Variants in CPB1 observed in about 807,000 individuals in gnomAD.
CPB1 encodes the protein carboxypeptidase B1.
Under a neutral mutation model 51.4 loss-of-function variants are expected in CPB1, and 53 were observed. The observed-to-expected ratio is 1.03, with a 90% CI of 0.83 to 1.30. The LOEUF (loss-of-function observed/expected upper bound fraction) is 1.30. Among genes scored for constraint, CPB1 ranks in the 50% most tolerant of loss-of-function variants. The pLI is 0.00. For missense variants in CPB1, 494 were observed against 516.2 expected, an observed-to-expected ratio of 0.96 and a Z score of 0.42; for synonymous variants, 189 against 186.9, an observed-to-expected ratio of 1.01 and a Z score of -0.09.
chr3:148,846,242 T>C (rs1179999388), intron 9 of CPB1, among the ~76,000 whole-genome samples: 1 of 152,152 alleles, frequency 6.6e-6, no homozygotes, highest in Non-Finnish European at 1.5e-5. Context: ...GCAATCTTAT[T>C]GAACAATCAA....
chr3:148,845,656 T>G, intron 9 of CPB1, 30 bp downstream of exon 9: 3 of 1,528,612 alleles, frequency 2.0e-6, no homozygotes, highest in Non-Finnish European at 2.7e-6. Context: ...GTATGACATT[T>G]TACTATTGAG....
intron 9 of CPB1, among the ~76,000 whole-genome samples, chr3:148,850,503 C>T (rs548589553): frequency 5.3e-5 from 8 of 152,058 alleles, no homozygotes; most frequent in Non-Finnish European, 7.4e-5. Flanking sequence ...GGGGTTTCAC[C>T]GTGTTAGCCA....
chr3:148,841,116 A>G, intron 5 of CPB1, 141 bp downstream of exon 5: 1 of 605,780 alleles, frequency 1.7e-6, no homozygotes, highest in East Asian at 2.8e-5. Flanking sequence ...AGGGAACCAG[A>G]TTCCCCAGCT....
chr3:148,847,539 C>G (rs946676726), intron 9 of CPB1, among the ~76,000 whole-genome samples: 5 of 152,130 alleles, frequency 3.3e-5, no homozygotes, highest in East Asian at 1.9e-4. Flanking sequence ...TAAAAATGTT[C>G]CAACAGAACA....
Position 148,834,568 on chromosome 3 carries a change from C to G in CPB1, c.218C>G (p.Ala73Gly), listed in dbSNP as rs755021718. The part of the protein sequence containing the change: ...PHSTVDFRVK[A>G]EDTVTVENVL... ...AGTACAGTTGACTTCCGTGTTAAAG[C>G]AGAAGATACTGTCACTGTGGAGAAT... The change falls in exon 3 of 11, where the codon GCA becomes GGA. Residue 73 changes from alanine to glycine, a missense_variant. Coordinates refer to ENST00000282957, the MANE Select transcript of CPB1 (RefSeq NM_001871.3). 54 of 1,613,298 alleles carry G rather than the reference C, an allele frequency of 3.3e-5. No individual in the cohort carries two copies. The highest frequency in any genetic ancestry group is 1.7e-4 in the Middle Eastern group (1 of 6,060).
rs748482610 is a variant in CPB1, at chr3:148,834,496, A to T, written c.148-2A>T. The T allele has an allele frequency of 6.2e-7, 1 of 1,613,136 alleles. No individual in the cohort carries two copies. Among genetic ancestry groups the T allele is most frequent in the South Asian group, 1.1e-5 (1 of 91,026 alleles). ...ATCCAATATATCTTGTCCTTTATTC[A>T]GATTGACTTCTGGAAGCCAGATTCT... On this transcript the variant is annotated splice_acceptor_variant, in intron 2 of 10. Coordinates refer to ENST00000282957, the MANE Select transcript of CPB1 (RefSeq NM_001871.3). LOFTEE classifies it high-confidence loss of function.
At chr3:148,839,185 C>A (rs752366305) in intron 3 of CPB1, among the ~76,000 whole-genome samples, 5 of 152,086 alleles carry the variant, frequency 3.3e-5, no homozygotes, top group Non-Finnish European at 5.9e-5. Flanking sequence ...AGGACTTTAT[C>A]CCCTGTTGAA....
chr3:148,854,505 G>A (rs369286572), intron 9 of CPB1: 22 of 151,942 alleles, frequency 1.4e-4, no homozygotes, highest in African/African-American at 5.3e-4. Context: ...ATGCACAGAA[G>A]ATGTCAATGT....
At chr3:148,830,506 A>G (rs796155339) in intron 2 of CPB1, among the ~76,000 whole-genome samples, 18 of 152,304 alleles carry the variant, frequency 1.2e-4, no homozygotes, top group African/African-American at 3.8e-4. Flanking sequence ...AAATGAATTA[A>G]TATAGGTAAA....
intron 9 of CPB1, among the ~76,000 whole-genome samples, chr3:148,853,905 TA>T (rs150419530): frequency 0.12 from 18,451 of 152,254 alleles, 2,515 homozygotes; most frequent in African/African-American, 0.34. Context: ...GAGCTCTTTG[TA>T]AAGCTTAAGT....
chr3:148,855,395 G>C (rs1455639664), intron 9 of CPB1: 1 of 152,190 alleles, frequency 6.6e-6, no homozygotes, highest in Non-Finnish European at 1.5e-5. Context: ...TGACGGTGTA[G>C]AGAGAACTTG....
intron 9 of CPB1, among the ~76,000 whole-genome samples, chr3:148,850,364 C>T (rs1713388740): frequency 2.0e-5 from 3 of 152,216 alleles, no homozygotes; most frequent in Admixed American, 6.5e-5. Flanking sequence ...TGCAGTGGTG[C>T]AATCTCGGCT....
At chr3:148,857,583 A>G (rs757812345) in intron 10 of CPB1, 42 bp downstream of exon 10, 6 of 1,513,532 alleles carry the variant, frequency 4.0e-6, no homozygotes, top group Non-Finnish European at 5.5e-6. Context: ...CCATGTGCCT[A>G]AAAAGCCAAC....
At chr3:148,842,653 G>A (rs1260898915) in intron 6 of CPB1, among the ~76,000 whole-genome samples, 3 of 152,190 alleles carry the variant, frequency 2.0e-5, no homozygotes, top group African/African-American at 7.2e-5. Flanking sequence ...CAATAATCAT[G>A]TCAGGCAAAT....
At position 148,838,005 on chromosome 3, in the gene CPB1, T is replaced by G. The variant is rs182994974; in HGVS notation, c.273-2681T>G. Among the ~76,000 whole-genome samples, 370 of 152,176 alleles carry G rather than the reference T, an allele frequency of 2.4e-3. 2 individuals are homozygous for G. Among genetic ancestry groups the G allele is most frequent in the South Asian group, 0.012 (58 of 4,830 alleles). ...GGCTCACACCTATAATCCCAGCACC[T>G]TGGGAGGCCTAGGCAGGTGGATCAC... On this transcript the variant is annotated intron_variant, in intron 3 of 10. Coordinates refer to ENST00000282957, the MANE Select transcript of CPB1 (RefSeq NM_001871.3).
At position 148,860,108 on chromosome 3, in the gene CPB1, T is replaced by C; in HGVS notation, c.*106T>C. The stretch of plus-strand genomic sequence containing the variant: ...GATGTTTTGCAGATCCCAATCTTTC[T>C]TTTAAGCTTCTGGGTCTATTAAACT... On this transcript the variant is annotated 3_prime_UTR_variant, in exon 11 of 11. Transcript: ENST00000282957. 9.2e-7 allele frequency: 1 copy of C among 1,090,390 alleles called. No individual in the cohort carries two copies. The highest frequency in any genetic ancestry group is 1.3e-6 in the Non-Finnish European group (1 of 751,462). The allele number at this position is 1,090,390 out of a possible 1,614,324, so 67.5% of individuals were successfully genotyped here. A position where few individuals can be genotyped will look rare whatever the true frequency, so the allele number is the denominator to read the frequency against.
At chr3:148,857,070 T>TTTTTTTG (rs773401777) in intron 9 of CPB1, 8,328 of 45,284 alleles carry the variant, frequency 0.18, 368 homozygotes, top group Middle Eastern at 0.35. Context: ...GTGTTTTTTT[T>TTTTTTTG]TTTTTTTTTT....
In CPB1 at chr3:148,853,479, G is replaced by A. The variant is rs984418064; in HGVS notation, c.982-3978G>A. Among the ~76,000 whole-genome samples, 5 of 152,314 alleles carry A rather than the reference G, an allele frequency of 3.3e-5. No homozygotes were observed. In the East Asian group the frequency reaches 5.8e-4, roughly 18 times the overall value. On this transcript the variant is annotated intron_variant, in intron 9 of 10. Coordinates refer to ENST00000282957, the MANE Select transcript of CPB1 (RefSeq NM_001871.3). ...GCTTTTACTTTGTCTCTTGGGCTAC[G>A]AGCTAGATGTGACATTTTAGACTCT... is the stretch of plus-strand genomic sequence containing the variant.
At chr3:148,836,127 G>A (rs965536196) in intron 3 of CPB1, among the ~76,000 whole-genome samples, 2 of 151,400 alleles carry the variant, frequency 1.3e-5, no homozygotes, top group Non-Finnish European at 2.9e-5. Context: ...TGCTGCTATG[G>A]TTTACTGTTG....
Sources: gnomAD v4.1 joint callset for allele counts (sites outside exome capture counted in the v4.1 genomes callset) on GRCh38, gnomAD v4.1.1 for gene constraint, MANE v1.5 for transcripts, NCBI Gene and HGNC (gene_info 2026-07-23, HGNC 2026-07-21) for gene names.